The following TXNDC16 variants were observed in gnomAD, a reference collection of about 807,000 sequenced individuals.
TXNDC16 encodes thioredoxin domain containing 16.
TXNDC16 carries 74 observed loss-of-function variants against 85.6 expected under a neutral mutation model. The observed-to-expected ratio is 0.86, with a 90% CI of 0.72 to 1.05. The LOEUF (loss-of-function observed/expected upper bound fraction) is 1.05, where lower values mean the gene tolerates loss of function less well. Ranked by LOEUF, TXNDC16 falls within the 50% of genes least tolerant of loss-of-function variation. TXNDC16 has a pLI of 0.00. For missense variants in TXNDC16, 959 were observed against 947.0 expected (o/e 1.01, Z -0.17); for synonymous variants, 335 against 326.5 (o/e 1.03, Z -0.28).
At chr14:52,521,369 C>T (rs1474811725) in intron 6 of TXNDC16, among the ~76,000 whole-genome samples, 3 of 151,784 alleles carry the variant, frequency 2.0e-5, no homozygotes, top group Non-Finnish European at 4.4e-5. Flanking sequence ...GATCCGCCCA[C>T]CTCGGCCTCC....
At chr14:52,551,363 C>T (rs554300566) in intron 1 of TXNDC16, among the ~76,000 whole-genome samples, 43 of 150,830 alleles carry the variant, frequency 2.9e-4, no homozygotes, top group African/African-American at 1.0e-3. Context: ...CCTGTAGTCC[C>T]AGCTACTTGG....
intron 9 of TXNDC16, among the ~76,000 whole-genome samples, 184 bp from the exon 10 acceptor site, chr14:52,491,189 T>C (rs2140155019): frequency 6.6e-6 from 1 of 152,174 alleles, no homozygotes; most frequent in Non-Finnish European, 1.5e-5. Context: ...TAGTTTTGTT[T>C]GTTTGTTTTT....
At chr14:52,450,853 T>TA (rs2035391349) in intron 18 of TXNDC16, among the ~76,000 whole-genome samples, 1 of 145,048 alleles carries the variant, frequency 6.9e-6, no homozygotes, top group Non-Finnish European at 1.5e-5. Flanking sequence ...AAAATGTGTT[T>TA]TATATATATA....
In TXNDC16 at chr14:52,455,187, C is replaced by G. The variant is rs544045476; in HGVS notation, c.1842+137G>C. On this transcript the variant is annotated intron_variant, in intron 18 of 20. Transcript: ENST00000281741. ...ATAATGACTGAACAATAAAACAGAA[C>G]AATCCAGTAAATCCTCAGCTCACAA... The G allele has an allele frequency of 5.9e-5, 56 of 946,810 alleles. No homozygotes were observed. The African/African-American group carries it at 9.0e-4, about 15-fold the overall frequency. 58.7% of individuals were successfully genotyped at this position (946,810 alleles called of 1,614,324 possible).
intron 20 of TXNDC16, among the ~76,000 whole-genome samples, chr14:52,432,975 C>A (rs1477291471): frequency 6.6e-6 from 1 of 152,054 alleles, no homozygotes; most frequent in Non-Finnish European, 1.5e-5. Flanking sequence ...CTCTCTACTG[C>A]CAAAGAAATG....
At chr14:52,466,384 C>G (rs2035773940) in intron 16 of TXNDC16, among the ~76,000 whole-genome samples, 1 of 93,490 alleles carries the variant, frequency 1.1e-5, no homozygotes, top group African/African-American at 4.9e-5. Context: ...CAGAACAAGA[C>G]TCTGTCTCAA....
chr14:52,492,393 T>C (rs1254971947), intron 9 of TXNDC16, among the ~76,000 whole-genome samples: 2 of 152,164 alleles, frequency 1.3e-5, no homozygotes, highest in Non-Finnish European at 2.9e-5. Flanking sequence ...GGCTCGGCCC[T>C]GCTCACCTCT....
At chr14:52,529,655 A>C (rs1322101367) in intron 6 of TXNDC16, among the ~76,000 whole-genome samples, 1 of 105,822 alleles carries the variant, frequency 9.4e-6, no homozygotes, top group Non-Finnish European at 1.7e-5. Context: ...TATATATTAT[A>C]TATAATGCCT....
intron 9 of TXNDC16, among the ~76,000 whole-genome samples, chr14:52,507,810 G>T (rs1426546517): frequency 2.0e-5 from 3 of 152,148 alleles, no homozygotes; most frequent in Admixed American, 6.6e-5. Context: ...ACAAGAAATT[G>T]GGGAAAGGAT....
intron 18 of TXNDC16, among the ~76,000 whole-genome samples, chr14:52,451,607 T>A (rs533315928): frequency 8.8e-4 from 134 of 152,152 alleles, no homozygotes; most frequent in African/African-American, 3.2e-3. Flanking sequence ...ATATGATCAT[T>A]TCAACTGATG....
At chr14:52,506,527 C>CTTTTTTTTTTTTTTTT (rs765293725) in intron 9 of TXNDC16, among the ~76,000 whole-genome samples, 8 of 97,540 alleles carry the variant, frequency 8.2e-5, no homozygotes, top group African/African-American at 1.8e-4. Context: ...TTCAACAACC[C>CTTTTTTTTTTTTTTTT]TTTTTTTTTT....
chr14:52,544,035 T>G (rs1001235682), intron 2 of TXNDC16, among the ~76,000 whole-genome samples: 1 of 152,102 alleles, frequency 6.6e-6, no homozygotes, highest in Non-Finnish European at 1.5e-5. Flanking sequence ...AGCCAAAATA[T>G]GCCTAATATG....
intron 18 of TXNDC16, among the ~76,000 whole-genome samples, chr14:52,442,221 C>T (rs753619980): frequency 2.0e-5 from 3 of 152,130 alleles, no homozygotes; most frequent in Admixed American, 6.5e-5. Flanking sequence ...AAACCTTCTA[C>T]CATTTTCAGT....
At chr14:52,531,263 G>A (rs1188169207) in intron 6 of TXNDC16, among the ~76,000 whole-genome samples, 6 of 152,078 alleles carry the variant, frequency 3.9e-5, no homozygotes, top group Non-Finnish European at 8.8e-5. Context: ...AGCTAGCAAC[G>A]TTTTATAAAA....
intron 18 of TXNDC16, among the ~76,000 whole-genome samples, chr14:52,450,806 A>T (rs2035388953): frequency 6.6e-6 from 1 of 151,424 alleles, no homozygotes; most frequent in African/African-American, 2.4e-5. Context: ...AAAATACAGA[A>T]CCAGCCCAAA....
At chr14:52,508,751 T>C (rs940072367) in intron 9 of TXNDC16, among the ~76,000 whole-genome samples, 3 of 152,056 alleles carry the variant, frequency 2.0e-5, no homozygotes, top group Non-Finnish European at 2.9e-5. Context: ...AAATGATGAG[T>C]TCATGTCCTT....
At chr14:52,484,224 G>A (rs1056084687) in intron 12 of TXNDC16, among the ~76,000 whole-genome samples, 1 of 151,318 alleles carries the variant, frequency 6.6e-6, no homozygotes, top group African/African-American at 2.4e-5. Context: ...GGAGCAGAAT[G>A]AGCCATGGTT....
chr14:52,488,568 G>T, intron 11 of TXNDC16, 82 bp from the exon 12 acceptor site: 2 of 1,137,068 alleles, frequency 1.8e-6, no homozygotes, highest in Non-Finnish European at 2.5e-6. Flanking sequence ...AGGTGTGGTG[G>T]CTCACACCTG....
chr14:52,520,553 T>TG (rs1186739539), intron 6 of TXNDC16, among the ~76,000 whole-genome samples: 5 of 152,074 alleles, frequency 3.3e-5, no homozygotes, highest in Admixed American at 2.0e-4. Flanking sequence ...GAGTTTGCAG[T>TG]GAGCTGAGAT....
Sources: allele counts gnomAD v4.1 joint callset (sites outside exome capture counted in the v4.1 genomes callset), GRCh38; gene constraint gnomAD v4.1.1; transcripts MANE v1.5; gene names NCBI Gene and HGNC (gene_info 2026-07-23, HGNC 2026-07-21).